SGK2: variants seen among roughly 807,000 people sequenced by gnomAD.
SGK2 encodes the protein serine/threonine-protein kinase Sgk2.
A neutral mutation model predicts 47.5 loss-of-function variants in SGK2; 36 were observed. The ratio of observed to expected loss-of-function variants is 0.76; its 90% CI spans 0.58 to 1.00. SGK2 has a LOEUF of 1.00. Ranked by LOEUF, SGK2 falls within the 50% of genes least tolerant of loss-of-function variation. SGK2 has a pLI of 0.00. For synonymous variants in SGK2, 157 were observed against 181.9 expected, an observed-to-expected ratio of 0.86 and a Z score of 1.10; for missense variants, 404 against 467.4, an observed-to-expected ratio of 0.86 and a Z score of 1.25.
intron 12 of SGK2, among the ~76,000 whole-genome samples, chr20:43,582,749 C>T (rs1415156904): frequency 6.6e-6 from 1 of 151,478 alleles, no homozygotes; most frequent in African/African-American, 2.4e-5. Context: ...TGCAGTGGCA[C>T]GATCTCAGCT....
At chr20:43,566,363 G>A in intron 1 of SGK2, 110 bp from the exon 2 acceptor site, 1 of 1,613,968 alleles carries the variant, frequency 6.2e-7, no homozygotes, top group Non-Finnish European at 8.5e-7. Flanking sequence ...GCGGTGGCAG[G>A]TGCACAGGTA....
Position 43,572,078 on chromosome 20 carries a change from C to T in SGK2, c.538C>T (p.Leu180Phe). 1 of 1,549,844 alleles carries T rather than the reference C, an allele frequency of 6.5e-7. No homozygotes were observed. The highest frequency in any genetic ancestry group is 8.7e-7 in the Non-Finnish European group (1 of 1,146,442). ...QGHVVLTDFGLCKEGVEPEDT... is the reference protein window; with the variant it reads ...QGHVVLTDFGFCKEGVEPEDT... ...ACACGTGGTGCTGACGGATTTTGGC[C>T]TCTGCAAGGAAGGTGTAGAGCCTGA... The change falls in exon 9 of 13, where the codon CTC (leucine) becomes TTC (phenylalanine). Residue 180 changes from leucine to phenylalanine, a missense_variant. By Grantham distance (22) the Leu-to-Phe change is conservative (BLOSUM62 0). Coordinates refer to ENST00000373100, the MANE Select transcript of SGK2 (RefSeq NM_170693.3). The surrounding 1 kb of genome is among the most constrained non-coding windows in gnomAD (Gnocchi z 4.2).
At chr20:43,563,712 G>T (rs1979521487) in intron 1 of SGK2, among the ~76,000 whole-genome samples, 1 of 152,170 alleles carries the variant, frequency 6.6e-6, no homozygotes. Flanking sequence ...CAATTATTTT[G>T]CTGTTATAAA....
At chr20:43,571,189 G>C in intron 8 of SGK2, 129 bp downstream of exon 8, 1 of 1,441,818 alleles carries the variant, frequency 6.9e-7, no homozygotes, top group Non-Finnish European at 9.4e-7. Context: ...AGGTAGAGGA[G>C]GCATTTGAGC....
At chr20:43,574,474 G>A (rs909895279) in intron 9 of SGK2, among the ~76,000 whole-genome samples, 2 of 152,328 alleles carry the variant, frequency 1.3e-5, no homozygotes, top group East Asian at 1.9e-4. Context: ...CCCAGGACAC[G>A]GATAGCCAGT....
In SGK2 at chr20:43,566,981, T is replaced by C. The variant is rs1331422915; in HGVS notation, c.37-87T>C. The C allele has an allele frequency of 5.5e-6, 6 of 1,095,552 alleles. No individual in the cohort carries two copies. The Admixed American group carries it at 1.1e-4, about 21-fold the overall frequency. 67.9% of individuals were successfully genotyped at this position (1,095,552 alleles called of 1,614,324 possible). A position where few individuals can be genotyped will look rare whatever the true frequency, so the allele number is the denominator to read the frequency against. ...AAGGCAGGCAGGCCTAGTAGAGTTG[T>C]TGGAGAAGGGATCAGGGCCTGGGCC... On this transcript the variant is annotated intron_variant, in intron 2 of 12. Transcript: ENST00000373100.
intron 9 of SGK2, among the ~76,000 whole-genome samples, chr20:43,574,352 C>A (rs1327165987): frequency 1.3e-5 from 2 of 152,166 alleles, no homozygotes; most frequent in African/African-American, 4.8e-5. Context: ...CCTTCCTGAC[C>A]CTCTCGTCTG....
Position 43,570,672 on chromosome 20 carries a change from A to G in SGK2, c.416A>G (p.Tyr139Cys), listed in dbSNP as rs1980043440. The stretch of plus-strand genomic sequence containing the variant: ...TTCCTGGAGCCCCGGGCCAGGTTCT[A>G]CGCTGCTGAGGTGGCCAGCGCCATT... Reference protein sequence around the residue: ...RRFLEPRARFYAAEVASAIGY... With the variant: ...RRFLEPRARFCAAEVASAIGY... The change falls in exon 7 of 13, where the codon TAC becomes TGC. Residue 139 changes from tyrosine (Y) to cysteine (C), a missense_variant. Transcript: ENST00000373100. The G allele has an allele frequency of 6.2e-7, 1 of 1,613,484 alleles. No homozygotes were observed. Among genetic ancestry groups the G allele is most frequent in the Non-Finnish European group, 8.5e-7 (1 of 1,179,498 alleles).
chr20:43,562,364 G>A (rs1271467081), intron 1 of SGK2, among the ~76,000 whole-genome samples: 2 of 136,398 alleles, frequency 1.5e-5, no homozygotes, highest in Non-Finnish European at 1.5e-5. Context: ...ATTGCAGAGA[G>A]CCTAGATCAC....
At chr20:43,577,802 C>A (rs1171835723) in intron 11 of SGK2, among the ~76,000 whole-genome samples, 1 of 151,972 alleles carries the variant, frequency 6.6e-6, no homozygotes. Flanking sequence ...CGCCACCATG[C>A]CTGGCTAATT....
intron 2 of SGK2, among the ~76,000 whole-genome samples, 153 bp from the exon 3 acceptor site, chr20:43,566,915 G>GGACA (rs1326579044): frequency 2.1e-5 from 1 of 47,190 alleles, no homozygotes; most frequent in African/African-American, 1.5e-4. Flanking sequence ...AGGGAGGGAG[G>GGACA]GAGGCGGGCA....
intron 12 of SGK2, chr20:43,583,447 G>A: frequency 8.4e-7 from 1 of 1,184,212 alleles, no homozygotes. Flanking sequence ...TTCTGATCTT[G>A]GAACTCTGAG....
chr20:43,569,126 A>G (rs189257216), intron 5 of SGK2, among the ~76,000 whole-genome samples: 1 of 152,302 alleles, frequency 6.6e-6, no homozygotes, highest in East Asian at 1.9e-4. Context: ...TCCAAGGGCA[A>G]GAAGCTCTGA....
chr20:43,576,309 C>A lies in SGK2; in HGVS notation c.779C>A (p.Ala260Asp). ...PLQIPGGRTV[A>D]ACDLLQSLLH... ...CAGATCCCCGGAGGCCGGACAGTGG[C>A]CGCCTGTGACCTCCTGCAAAGCCTT... The change falls in exon 11 of 13, where the codon GCC (alanine) becomes GAC (aspartate). Residue 260 changes from alanine to aspartate, a missense_variant. By Grantham distance (126) the Ala-to-Asp change is moderately radical (BLOSUM62 -2). Transcript: ENST00000373100. The A allele has an allele frequency of 6.2e-7, 1 of 1,614,230 alleles. No individual in the cohort carries two copies. Among genetic ancestry groups the A allele is most frequent in the Non-Finnish European group, 8.5e-7 (1 of 1,180,034 alleles).
At chr20:43,559,958 G>A (rs778282243) in intron 1 of SGK2, among the ~76,000 whole-genome samples, 2 of 152,096 alleles carry the variant, frequency 1.3e-5, no homozygotes, top group African/African-American at 2.4e-5. Context: ...GGGAGTTTGC[G>A]GAGTCTGAAG....
At position 43,583,735 on chromosome 20, in the gene SGK2, G is replaced by A. The variant is rs532471940; in HGVS notation, c.940-1117G>A. The A allele has an allele frequency of 6.1e-5, 25 of 406,734 alleles. No homozygotes were observed. The East Asian group carries it at 1.9e-3, about 31-fold the overall frequency. 25.2% of individuals were successfully genotyped at this position (406,734 alleles called of 1,614,324 possible). A position where few individuals can be genotyped will look rare whatever the true frequency, so the allele number is the denominator to read the frequency against. On this transcript the variant is annotated intron_variant, in intron 12 of 12. Coordinates refer to ENST00000373100, the MANE Select transcript of SGK2 (RefSeq NM_170693.3). ...TGTAACCCCAGCACTTTATGAGGCC[G>A]AGCTATTAGCATTGCTTGAGGCCAG...
At chr20:43,575,465 A>AAG (rs1034868082) in intron 10 of SGK2, among the ~76,000 whole-genome samples, 7 of 2,496 alleles carry the variant, frequency 2.8e-3, no homozygotes, top group Non-Finnish European at 6.5e-3. Context: ...ACTCTGTCTC[A>AAG]AAAAAAAAAA....
At chr20:43,569,814 A>G (rs1175751737) in intron 6 of SGK2, among the ~76,000 whole-genome samples, 1 of 152,134 alleles carries the variant, frequency 6.6e-6, no homozygotes, top group Non-Finnish European at 1.5e-5. Context: ...GGAAAGGTCA[A>G]TGCTAAGAGG....
intron 1 of SGK2, chr20:43,565,227 C>T (rs1040927635): frequency 6.6e-6 from 1 of 152,350 alleles, no homozygotes; most frequent in African/African-American, 2.4e-5. Context: ...CTCTCTTGTC[C>T]ACTGCCTGTC....
Sources: allele counts gnomAD v4.1 joint callset (sites outside exome capture counted in the v4.1 genomes callset), GRCh38; gene constraint gnomAD v4.1.1; non-coding constraint Gnocchi (gnomAD v3.1); transcripts MANE v1.5; gene names NCBI Gene and HGNC (gene_info 2026-07-23, HGNC 2026-07-21).